ANK1: variants seen among roughly 807,000 people sequenced by gnomAD.
ANK1 encodes the protein ankyrin-1.
A neutral mutation model predicts 210.4 loss-of-function variants in ANK1; 51 were observed. The ratio of observed to expected loss-of-function variants is 0.24; its 90% CI spans 0.19 to 0.31. The LOEUF (loss-of-function observed/expected upper bound fraction) is 0.31, where lower values mean the gene tolerates loss of function less well. Among genes scored for constraint, ANK1 ranks in the 10% least tolerant of loss-of-function variants. The pLI, the probability that ANK1 is intolerant of heterozygous loss-of-function variation, is 1.00. For missense variants in ANK1, 2,051 were observed against 2,504.4 expected, an observed-to-expected ratio of 0.82 and a Z score of 3.86; for synonymous variants, 967 against 1,025.9, an observed-to-expected ratio of 0.94 and a Z score of 1.10.
chr8:41,870,350 G>A (rs966079591), intron 1 of ANK1, among the ~76,000 whole-genome samples: 1 of 151,968 alleles, frequency 6.6e-6, no homozygotes, highest in Non-Finnish European at 1.5e-5. Flanking sequence ...AAACAAGGCC[G>A]AGTCACCTTC....
chr8:41,814,628 C>T (rs1386325768), intron 1 of ANK1, among the ~76,000 whole-genome samples: 1 of 151,882 alleles, frequency 6.6e-6, no homozygotes, highest in Non-Finnish European at 1.5e-5. Context: ...CTTAAAATAG[C>T]CATGGTTAAA....
intron 14 of ANK1, 30 bp downstream of exon 14, chr8:41,715,622 T>C (rs760873814): frequency 1.2e-6 from 2 of 1,611,568 alleles, no homozygotes; most frequent in African/African-American, 1.3e-5. Flanking sequence ...AGCCTGTTGC[T>C]TCCTTAGACC....
At chr8:41,882,715 A>G (rs1817791592) in intron 1 of ANK1, among the ~76,000 whole-genome samples, 1 of 152,252 alleles carries the variant, frequency 6.6e-6, no homozygotes. Flanking sequence ...TGCACCCCAC[A>G]GAACATCGCC....
intron 1 of ANK1, among the ~76,000 whole-genome samples, chr8:41,888,414 G>A (rs1367790639): frequency 2.6e-5 from 4 of 152,220 alleles, no homozygotes; most frequent in East Asian, 1.9e-4. Context: ...AGGGGCAGGC[G>A]ACAGAACCAT....
chr8:41,780,267 C>A (rs1277103485), intron 1 of ANK1, among the ~76,000 whole-genome samples: 1 of 152,126 alleles, frequency 6.6e-6, no homozygotes, highest in South Asian at 2.1e-4. Context: ...TCAAGCAATC[C>A]GACCACCTCA....
intron 3 of ANK1, among the ~76,000 whole-genome samples, 199 bp downstream of exon 3, chr8:41,733,772 G>A (rs1832778170): frequency 6.6e-6 from 1 of 152,210 alleles, no homozygotes; most frequent in Admixed American, 6.5e-5. Flanking sequence ...TAGTGATGAG[G>A]ATAAAGGCCC....
At chr8:41,701,766 C>G (rs1020253) in intron 21 of ANK1, 144 bp from the exon 22 acceptor site, 17,850 of 910,768 alleles carry the variant, frequency 0.02, 370 homozygotes, top group African/African-American at 0.088. Flanking sequence ...TGGAAGCTGC[C>G]GGGCAGGAAC....
chr8:41,673,414 G>C (rs1025928191), intron 37 of ANK1, among the ~76,000 whole-genome samples: 2 of 152,182 alleles, frequency 1.3e-5, no homozygotes, highest in Admixed American at 6.5e-5. Flanking sequence ...ACCAGGGGTA[G>C]TAACCAGGCT....
chr8:41,665,198 G>A (rs1810070520), intron 39 of ANK1: 2 of 1,530,642 alleles, frequency 1.3e-6, no homozygotes, highest in South Asian at 1.2e-5. Flanking sequence ...CTGTGGGCAG[G>A]ACACCGAATG....
chr8:41,775,324 T>C (rs1449504140), intron 1 of ANK1, among the ~76,000 whole-genome samples: 2 of 152,200 alleles, frequency 1.3e-5, no homozygotes, highest in Non-Finnish European at 2.9e-5. Flanking sequence ...CCAGGATGGG[T>C]GGCCCATTGC....
At chr8:41,703,451 T>TATATATATATATATATATA (rs1554555252) in intron 20 of ANK1, among the ~76,000 whole-genome samples, 8 of 37,386 alleles carry the variant, frequency 2.1e-4, no homozygotes, top group Non-Finnish European at 4.1e-4. Context: ...TATATATATA[T>TATATATATATATATATATA]TTTTTTTTTT....
chr8:41,737,900 A>C (rs1311457260), intron 2 of ANK1, among the ~76,000 whole-genome samples: 1 of 152,158 alleles, frequency 6.6e-6, no homozygotes, highest in Non-Finnish European at 1.5e-5. Context: ...ACTTAACCCA[A>C]CTCAACAAAT....
intron 1 of ANK1, among the ~76,000 whole-genome samples, chr8:41,773,434 T>C (rs957355208): frequency 2.6e-5 from 4 of 152,152 alleles, no homozygotes; most frequent in Non-Finnish European, 5.9e-5. Context: ...CAGCTGAACC[T>C]AGGATTTTCT....
Position 41,704,778 on chromosome 8 carries a change from A to T in ANK1, c.2098-306T>A, listed in dbSNP as rs979879684. ...AGGTGAGTGAGGTCCCCCAGAATAA[A>T]GTGGAGGGTGAAAAGTGGGGCCGAA... On this transcript the variant is annotated intron_variant, in intron 18 of 42. Coordinates refer to ENST00000289734, the MANE Select transcript of ANK1 (RefSeq NM_000037.4). The surrounding 1 kb of genome is among the most constrained non-coding windows in gnomAD (Gnocchi z 4.1). Among the ~76,000 whole-genome samples, 4 of 152,258 alleles carry T rather than the reference A, an allele frequency of 2.6e-5. No individual in the cohort carries two copies. The highest frequency in any genetic ancestry group is 2.1e-4 in the South Asian group (1 of 4,824).
chr8:41,803,057 G>GAA (rs397733308), intron 1 of ANK1, among the ~76,000 whole-genome samples: 37 of 36,090 alleles, frequency 1.0e-3, no homozygotes, highest in African/African-American at 3.1e-3. Context: ...GAAAGAAAGA[G>GAA]AGAAAGGAAG....
At chr8:41,848,499 C>T (rs1810524347) in intron 1 of ANK1, among the ~76,000 whole-genome samples, 1 of 152,220 alleles carries the variant, frequency 6.6e-6, no homozygotes, top group Admixed American at 6.5e-5. Context: ...CCAGGACTGA[C>T]GTTGCTGATG....
At chr8:41,834,944 G>A (rs981208853) in intron 1 of ANK1, among the ~76,000 whole-genome samples, 3 of 152,210 alleles carry the variant, frequency 2.0e-5, no homozygotes, top group Admixed American at 2.0e-4. Flanking sequence ...CCCGCTGCCC[G>A]GGAGAAGCTG....
intron 33 of ANK1, among the ~76,000 whole-genome samples, chr8:41,689,372 C>G (rs1818636424): frequency 6.6e-6 from 1 of 152,004 alleles, no homozygotes; most frequent in African/African-American, 2.4e-5. Context: ...CAAGCAATCC[C>G]TTGCCCCAGC....
chr8:41,722,804 G>A (rs1362316038), intron 9 of ANK1, among the ~76,000 whole-genome samples: 1 of 152,172 alleles, frequency 6.6e-6, no homozygotes, highest in Non-Finnish European at 1.5e-5. Context: ...TGGAACACGG[G>A]CCCTAGTTTG....
Sources: gnomAD v4.1 joint callset for allele counts (sites outside exome capture counted in the v4.1 genomes callset) on GRCh38, gnomAD v4.1.1 for gene constraint, Gnocchi (gnomAD v3.1) non-coding constraint, MANE v1.5 for transcripts, NCBI Gene and HGNC (gene_info 2026-07-23, HGNC 2026-07-21) for gene names.